The following SLC44A5 variants were observed in gnomAD, a reference collection of about 807,000 sequenced individuals.
The protein encoded by SLC44A5 is choline transporter-like protein 5.
Under a neutral mutation model 101.8 loss-of-function variants are expected in SLC44A5, and 57 were observed. That is an observed-to-expected ratio of 0.56 (90% CI 0.45 to 0.70). The LOEUF is 0.70. SLC44A5 is among the 30% of genes least tolerant of loss of function. SLC44A5 has a pLI of 0.00. For synonymous variants in SLC44A5, 281 were observed against 290.9 expected (o/e 0.97, Z 0.35); for missense variants, 737 against 853.1 (o/e 0.86, Z 1.70).
the SLC44A5 span, among the ~76,000 whole-genome samples, chr1:75,640,785 G>A: frequency 6.6e-6 from 1 of 152,036 alleles, no homozygotes; most frequent in Non-Finnish European, 1.5e-5. Flanking sequence ...TATTACAATT[G>A]TATGCAGGCT....
intron 2 of SLC44A5, among the ~76,000 whole-genome samples, chr1:75,462,598 C>A (rs1160673567): frequency 2.0e-5 from 3 of 151,988 alleles, no homozygotes; most frequent in South Asian, 2.1e-4. Context: ...ACAAAGAATT[C>A]AAAAGCTGTT....
intron 23 of SLC44A5, chr1:75,206,777 T>C: frequency 1.0e-6 from 1 of 963,014 alleles, no homozygotes; most frequent in Non-Finnish European, 1.6e-6. Context: ...ATTATACACA[T>C]TTTTATAAAT....
intron 1 of SLC44A5, among the ~76,000 whole-genome samples, chr1:75,572,038 C>T (rs1021060470): frequency 2.0e-5 from 3 of 152,156 alleles, no homozygotes; most frequent in Non-Finnish European, 1.5e-5. Context: ...TATGTCCAGC[C>T]AAATGACTTG....
chr1:75,289,956 C>A (rs553653163), intron 5 of SLC44A5, among the ~76,000 whole-genome samples: 27 of 152,286 alleles, frequency 1.8e-4, no homozygotes, highest in African/African-American at 5.3e-4. Context: ...TTTGAAGATA[C>A]GTTTGTCTCA....
At chr1:75,353,934 G>A (rs1488748379) in intron 3 of SLC44A5, 1 of 293,280 alleles carries the variant, frequency 3.4e-6, no homozygotes, top group African/African-American at 2.3e-5. Flanking sequence ...TATGGGGTAA[G>A]GTAGAACCTA....
chr1:75,657,149 A>C, the SLC44A5 span, among the ~76,000 whole-genome samples: 1 of 152,118 alleles, frequency 6.6e-6, no homozygotes, highest in Non-Finnish European at 1.5e-5. Context: ...ACTCTTTCTC[A>C]AAAAATAAAA....
At chr1:75,310,932 G>A (rs1655244818) in intron 4 of SLC44A5, among the ~76,000 whole-genome samples, 1 of 151,508 alleles carries the variant, frequency 6.6e-6, no homozygotes, top group Non-Finnish European at 1.5e-5. Flanking sequence ...TCAGTGAAAT[G>A]GAATTTTAAA....
the SLC44A5 span, among the ~76,000 whole-genome samples, chr1:75,650,242 C>T: frequency 6.6e-6 from 1 of 152,146 alleles, no homozygotes; most frequent in Admixed American, 6.5e-5. Flanking sequence ...TTTTTCTAAA[C>T]ATCATCTGTA....
chr1:75,210,537 A>C (rs1646833601), intron 23 of SLC44A5, among the ~76,000 whole-genome samples: 1 of 152,198 alleles, frequency 6.6e-6, no homozygotes, highest in Non-Finnish European at 1.5e-5. Context: ...TGTGATGCAC[A>C]GTGCGAATTG....
intron 1 of SLC44A5, among the ~76,000 whole-genome samples, chr1:75,549,257 G>T (rs56345952): frequency 3.3e-5 from 5 of 152,074 alleles, no homozygotes; most frequent in African/African-American, 1.2e-4. Flanking sequence ...TAGCTGCCTA[G>T]TAAAATACTA....
At chr1:75,547,180 C>G (rs1032286256) in intron 1 of SLC44A5, among the ~76,000 whole-genome samples, 3 of 152,118 alleles carry the variant, frequency 2.0e-5, no homozygotes, top group Non-Finnish European at 4.4e-5. Context: ...CCATCCACAT[C>G]AATTTCCAAG....
chr1:75,492,787 C>T (rs1668491024), intron 2 of SLC44A5, among the ~76,000 whole-genome samples: 1 of 152,168 alleles, frequency 6.6e-6, no homozygotes, highest in Non-Finnish European at 1.5e-5. Context: ...AGCACGTCTT[C>T]TCCCTTCCTT....
chr1:75,222,469 A>G lies in SLC44A5; in HGVS notation c.986-9T>C. 6.4e-7 allele frequency: 1 copy of G among 1,566,396 alleles called. No homozygotes were observed. The highest frequency in any genetic ancestry group is 1.1e-5 in the South Asian group (1 of 89,892). Reference sequence around the variant, plus strand: ...GATGCAGAGTATTATCACTTTGAACAGGAAAAAAAAAATCAGTCTGTAATA... The same window carrying G: ...GATGCAGAGTATTATCACTTTGAACGGGAAAAAAAAAATCAGTCTGTAATA... On this transcript the variant is annotated splice_polypyrimidine_tract_variant and intron_variant, in intron 13 of 23. Transcript: ENST00000370859.
chr1:75,338,016 C>T (rs942334805), intron 4 of SLC44A5, among the ~76,000 whole-genome samples: 33 of 152,164 alleles, frequency 2.2e-4, no homozygotes, highest in African/African-American at 6.3e-4. Context: ...GTTATTTTCC[C>T]GGTAAGGACA....
At chr1:75,439,466 C>T (rs1366014333) in intron 2 of SLC44A5, among the ~76,000 whole-genome samples, 2 of 151,986 alleles carry the variant, frequency 1.3e-5, no homozygotes, top group Non-Finnish European at 2.9e-5. Context: ...GCCTGTAATC[C>T]AAGCTACTCA....
chr1:75,414,648 A>C (rs2101529264), intron 2 of SLC44A5, among the ~76,000 whole-genome samples: 1 of 152,328 alleles, frequency 6.6e-6, no homozygotes, highest in South Asian at 2.1e-4. Flanking sequence ...TTGTGAGTCA[A>C]GGAAGGCTTG....
At chr1:75,564,447 T>TTTTG (rs10642751) in intron 1 of SLC44A5, among the ~76,000 whole-genome samples, 147,378 of 151,810 alleles carry the variant, frequency 0.97, 71,583 homozygotes, top group East Asian at 1. Flanking sequence ...TTGCAATCGT[T>TTTTG]TTTATTTTTC....
chr1:75,649,069 G>A, the SLC44A5 span, among the ~76,000 whole-genome samples: 1 of 152,202 alleles, frequency 6.6e-6, no homozygotes, highest in Admixed American at 6.5e-5. Flanking sequence ...TCTGTGCCTA[G>A]TAGTTGTTCA....
At chr1:75,570,636 AC>A (rs917425882) in intron 1 of SLC44A5, among the ~76,000 whole-genome samples, 9 of 152,158 alleles carry the variant, frequency 5.9e-5, no homozygotes, top group Admixed American at 3.3e-4. Context: ...TGTGCCAGAA[AC>A]TATATGTAGT....
Sources: gnomAD v4.1 joint callset for allele counts (sites outside exome capture counted in the v4.1 genomes callset) on GRCh38, gnomAD v4.1.1 for gene constraint, MANE v1.5 for transcripts, NCBI Gene and HGNC (gene_info 2026-07-23, HGNC 2026-07-21) for gene names.